The following ZMYND11 variants were observed in gnomAD, a reference collection of about 807,000 sequenced individuals.
ZMYND11 encodes the protein zinc finger MYND-type containing 11.
Under a neutral mutation model 84.9 loss-of-function variants are expected in ZMYND11, and 9 were observed. The observed-to-expected ratio is 0.11, with a 90% CI of 0.06 to 0.18. The LOEUF (loss-of-function observed/expected upper bound fraction) is 0.18. ZMYND11 is among the 10% of genes least tolerant of loss of function. The pLI is 1.00. For missense variants in ZMYND11, 409 were observed against 761.0 expected (o/e 0.54, Z 5.44); for synonymous variants, 250 against 244.1 (o/e 1.02, Z -0.23).
At chr10:244,038 G>A (rs1251121560) in intron 10 of ZMYND11, among the ~76,000 whole-genome samples, 1 of 152,046 alleles carries the variant, frequency 6.6e-6, no homozygotes, top group African/African-American at 2.4e-5. Context: ...GGACTCTTGA[G>A]GACTTTATTT....
intron 1 of ZMYND11, among the ~76,000 whole-genome samples, chr10:146,391 CTA>C (rs1554755306): frequency 6.6e-6 from 1 of 152,122 alleles, no homozygotes; most frequent in Admixed American, 6.5e-5. Context: ...GGATTTTTCT[CTA>C]TTTCTATTGA....
chr10:172,199 A>C (rs1845500280), intron 1 of ZMYND11, among the ~76,000 whole-genome samples: 1 of 152,168 alleles, frequency 6.6e-6, no homozygotes, highest in Non-Finnish European at 1.5e-5. Context: ...TTGGGGTTTA[A>C]TTTCCCACGT....
chr10:174,705 T>C (rs1174929752), intron 1 of ZMYND11, among the ~76,000 whole-genome samples: 2,619 of 150,864 alleles, frequency 0.017, 76 homozygotes, highest in African/African-American at 0.061. Flanking sequence ...TCAAAACCCA[T>C]GAGTACTACA....
At chr10:150,350 T>C (rs1840029811) in intron 1 of ZMYND11, among the ~76,000 whole-genome samples, 2 of 152,348 alleles carry the variant, frequency 1.3e-5, no homozygotes, top group African/African-American at 4.8e-5. Context: ...GGCGGGTGTA[T>C]GTGTCCAGGA....
At chr10:164,637 C>G (rs1843596156) in intron 1 of ZMYND11, among the ~76,000 whole-genome samples, 2 of 152,152 alleles carry the variant, frequency 1.3e-5, no homozygotes, top group Admixed American at 1.3e-4. Context: ...TTCCATTTGT[C>G]AAATCCACAC....
chr10:171,280 G>A (rs1845252975), intron 1 of ZMYND11, among the ~76,000 whole-genome samples: 1 of 152,164 alleles, frequency 6.6e-6, no homozygotes, highest in African/African-American at 2.4e-5. Context: ...CAGAAAGTTG[G>A]TAAGGACGTA....
At chr10:236,639 T>A (rs1950022175) in intron 4 of ZMYND11, among the ~76,000 whole-genome samples, 199 bp from the exon 5 acceptor site, 2 of 152,216 alleles carry the variant, frequency 1.3e-5, no homozygotes, top group African/African-American at 4.8e-5. Context: ...ACATAATATT[T>A]TAAAGTTCTC....
intron 1 of ZMYND11, among the ~76,000 whole-genome samples, chr10:167,071 C>T (rs1844176178): frequency 6.6e-6 from 1 of 151,978 alleles, no homozygotes; most frequent in Non-Finnish European, 1.5e-5. Context: ...TTTGAGGATG[C>T]TAGGGGCTTG....
At chr10:192,481 T>C (rs1263851597) in intron 2 of ZMYND11, among the ~76,000 whole-genome samples, 3 of 152,234 alleles carry the variant, frequency 2.0e-5, no homozygotes, top group African/African-American at 4.8e-5. Context: ...CTATGGACAC[T>C]CAAGATGTCT....
intron 2 of ZMYND11, among the ~76,000 whole-genome samples, chr10:200,574 G>T (rs1437426382): frequency 1.3e-5 from 2 of 151,652 alleles, no homozygotes; most frequent in Non-Finnish European, 2.9e-5. Context: ...ACCACTTCCG[G>T]CTGGAAGCAT....
intron 4 of ZMYND11, among the ~76,000 whole-genome samples, chr10:221,999 G>A (rs1425431588): frequency 1.3e-5 from 2 of 151,986 alleles, no homozygotes; most frequent in Non-Finnish European, 2.9e-5. Flanking sequence ...TGCAGAATGT[G>A]GTATGTGTGT....
At chr10:221,165 C>G in intron 3 of ZMYND11, 30 bp from the exon 4 acceptor site, 1 of 1,600,712 alleles carries the variant, frequency 6.2e-7, no homozygotes, top group Non-Finnish European at 8.5e-7. Context: ...GACAAAATGT[C>G]ATACAAAACT....
At chr10:179,685 T>C (rs1210258881) in intron 1 of ZMYND11, among the ~76,000 whole-genome samples, 1 of 152,200 alleles carries the variant, frequency 6.6e-6, no homozygotes, top group Non-Finnish European at 1.5e-5. Flanking sequence ...TTGGAGTATT[T>C]CTGTGTTTTA....
upstream of ZMYND11, among the ~76,000 whole-genome samples, chr10:132,926 T>C (rs1486332416): frequency 6.6e-6 from 1 of 152,156 alleles, no homozygotes; most frequent in African/African-American, 2.4e-5. Context: ...GAAGTAAAAA[T>C]CTGTCTGTAT....
At chr10:163,080 A>G (rs1488397177) in intron 1 of ZMYND11, among the ~76,000 whole-genome samples, 3 of 152,186 alleles carry the variant, frequency 2.0e-5, no homozygotes, top group Non-Finnish European at 4.4e-5. Flanking sequence ...TAATATCTAC[A>G]TGACTGAAAT....
intron 4 of ZMYND11, among the ~76,000 whole-genome samples, chr10:234,761 T>TA (rs1357938446): frequency 6.6e-6 from 1 of 152,194 alleles, no homozygotes; most frequent in Non-Finnish European, 1.5e-5. Context: ...CCAGCCTTCT[T>TA]ACGTTTTCTC....
chr10:216,666 T>C (rs1478476975), intron 3 of ZMYND11, among the ~76,000 whole-genome samples: 2 of 152,170 alleles, frequency 1.3e-5, no homozygotes, highest in Non-Finnish European at 2.9e-5. Flanking sequence ...ATACTGTGGT[T>C]CTGTGTGCAT....
chr10:226,206 A>ACTTGACTCCCCAC (rs1229279612), intron 4 of ZMYND11, among the ~76,000 whole-genome samples: 8 of 152,168 alleles, frequency 5.3e-5, no homozygotes, highest in Non-Finnish European at 1.2e-4. Flanking sequence ...GCATATAACT[A>ACTTGACTCCCCAC]CTTGACTCCC....
chr10:240,568 C>T (rs764197283), intron 8 of ZMYND11, among the ~76,000 whole-genome samples: 2 of 152,132 alleles, frequency 1.3e-5, no homozygotes, highest in Non-Finnish European at 2.9e-5. Flanking sequence ...GTAAGGACTG[C>T]TGTGATTGGC....
Sources: gnomAD v4.1 joint callset for allele counts (sites outside exome capture counted in the v4.1 genomes callset) on GRCh38, gnomAD v4.1.1 for gene constraint, MANE v1.5 for transcripts, NCBI Gene and HGNC (gene_info 2026-07-23, HGNC 2026-07-21) for gene names.